DOK6: variants seen among roughly 807,000 people sequenced by gnomAD.
DOK6 encodes the protein docking protein 6.
A neutral mutation model predicts 44.0 loss-of-function variants in DOK6; 22 were observed. The observed-to-expected ratio is 0.50, with a 90% CI of 0.36 to 0.71. DOK6 has a LOEUF of 0.71. DOK6 is among the 30% of genes least tolerant of loss of function. The pLI, the probability that DOK6 is intolerant of heterozygous loss-of-function variation, is 0.00. For synonymous variants in DOK6, 166 were observed against 145.5 expected (o/e 1.14, Z -1.01); for missense variants, 340 against 416.4 (o/e 0.82, Z 1.60).
At chr18:69,750,654 T>C (rs974368500) in intron 6 of DOK6, among the ~76,000 whole-genome samples, 26 of 152,116 alleles carry the variant, frequency 1.7e-4, no homozygotes, top group Admixed American at 1.7e-3. Flanking sequence ...GTACAACCAT[T>C]GGGGAAAACA....
intron 7 of DOK6, among the ~76,000 whole-genome samples, chr18:69,835,238 G>A (rs1233898175): frequency 6.6e-6 from 1 of 152,106 alleles, no homozygotes; most frequent in Non-Finnish European, 1.5e-5. Flanking sequence ...CGAGGTGGGT[G>A]GATCACGAGG....
chr18:69,442,397 G>A (rs1979160779), intron 1 of DOK6, among the ~76,000 whole-genome samples: 1 of 152,098 alleles, frequency 6.6e-6, no homozygotes, highest in Non-Finnish European at 1.5e-5. Context: ...CATGGTGGAA[G>A]GGGAAGCAAA....
chr18:69,563,920 T>C (rs1000758145), intron 1 of DOK6, among the ~76,000 whole-genome samples: 12 of 152,322 alleles, frequency 7.9e-5, no homozygotes, highest in African/African-American at 2.6e-4. Flanking sequence ...ATTAAATATG[T>C]ATATAAATTT....
intron 6 of DOK6, among the ~76,000 whole-genome samples, chr18:69,753,895 C>T (rs1210775873): frequency 6.6e-6 from 1 of 151,914 alleles, no homozygotes; most frequent in Non-Finnish European, 1.5e-5. Flanking sequence ...GAAAGAACTT[C>T]AAACACATGT....
At chr18:69,805,472 A>T (rs1013345356) in intron 7 of DOK6, among the ~76,000 whole-genome samples, 4 of 152,170 alleles carry the variant, frequency 2.6e-5, no homozygotes, top group Non-Finnish European at 5.9e-5. Flanking sequence ...TTTAAAATAC[A>T]TATTTCTGTA....
At chr18:69,603,347 G>A (rs753683332) in intron 3 of DOK6, among the ~76,000 whole-genome samples, 21 of 152,028 alleles carry the variant, frequency 1.4e-4, no homozygotes, top group Admixed American at 2.6e-4. Context: ...CAATTCAGCC[G>A]GCCTACCTTA....
chr18:69,459,814 A>T (rs931227397), intron 1 of DOK6, among the ~76,000 whole-genome samples: 3 of 151,616 alleles, frequency 2.0e-5, no homozygotes, highest in African/African-American at 4.8e-5. Context: ...TGCAGAGTTT[A>T]AAAAAAATAC....
chr18:69,824,221 G>A (rs1244818808), intron 7 of DOK6, among the ~76,000 whole-genome samples: 2 of 91,046 alleles, frequency 2.2e-5, no homozygotes, highest in East Asian at 7.9e-4. Context: ...ACAGGCCCCG[G>A]TGTGTGATGT....
intron 2 of DOK6, 96 bp from the exon 3 acceptor site, chr18:69,599,288 T>C (rs1409837344): frequency 1.1e-6 from 1 of 888,966 alleles, no homozygotes; most frequent in Non-Finnish European, 1.7e-6. Context: ...CCCGTGGAAA[T>C]TCATGTAAGA....
intron 3 of DOK6, among the ~76,000 whole-genome samples, chr18:69,631,389 A>G (rs898747796): frequency 1.6e-5 from 2 of 126,058 alleles, no homozygotes; most frequent in African/African-American, 5.3e-5. Flanking sequence ...TTGAAATACC[A>G]TCAGATAACG....
At chr18:69,744,105 G>A (rs1978896036) in intron 6 of DOK6, among the ~76,000 whole-genome samples, 2 of 152,118 alleles carry the variant, frequency 1.3e-5, no homozygotes, top group Non-Finnish European at 2.9e-5. Context: ...GAGGTCAGGA[G>A]TTCAAGACCA....
intron 7 of DOK6, among the ~76,000 whole-genome samples, chr18:69,833,394 A>G (rs1477810406): frequency 1.3e-5 from 2 of 152,144 alleles, no homozygotes; most frequent in Non-Finnish European, 2.9e-5. Context: ...CTTTCACCAC[A>G]TATAAAAATA....
intron 1 of DOK6, among the ~76,000 whole-genome samples, chr18:69,496,811 C>T (rs976882765): frequency 4.5e-4 from 68 of 152,134 alleles, no homozygotes; most frequent in Admixed American, 3.9e-3. Context: ...AATCTTAAAA[C>T]ATGAATTATA....
At position 69,768,954 on chromosome 18, in the gene DOK6, C is replaced by CGTGTGTGTGTGTGTGTGTGTGTGTGTGT. The variant is rs61202412; in HGVS notation, c.856+11082_856+11109dup. Among the ~76,000 whole-genome samples the CGTGTGTGTGTGTGTGTGTGTGTGTGTGT allele has an allele frequency of 5.5e-4, 78 of 142,694 alleles. 4 individuals are homozygous for CGTGTGTGTGTGTGTGTGTGTGTGTGTGT. The highest frequency in any genetic ancestry group is 7.1e-3 in the Middle Eastern group (2 of 280). 93.6% of individuals were successfully genotyped at this position (142,694 alleles called of 152,430 possible). A position where few individuals can be genotyped will look rare whatever the true frequency, so the allele number is the denominator to read the frequency against. On this transcript the variant is annotated intron_variant, in intron 7 of 7. Coordinates refer to ENST00000382713, the MANE Select transcript of DOK6 (RefSeq NM_152721.6). ...TTTATGCTAAGATTTGAAGGGTGTG[C>CGTGTGTGTGTGTGTGTGTGTGTGTGTGT]GTGTGTGTGTGTGTGTGTGTGTGTG... is the stretch of plus-strand genomic sequence containing the variant.
At chr18:69,690,616 T>C (rs776126272) in intron 4 of DOK6, among the ~76,000 whole-genome samples, 2 of 152,214 alleles carry the variant, frequency 1.3e-5, no homozygotes, top group Non-Finnish European at 2.9e-5. Flanking sequence ...TCTGGCTCTA[T>C]TTAGTTCCTT....
At position 69,809,951 on chromosome 18, in the gene DOK6, A is replaced by G. The variant is rs181734137; in HGVS notation, c.857-31293A>G. ...TCAATGCCATATCTATCAAAATTCC[A>G]ATGACATTTTTTATAAAATTGAAAA... On this transcript the variant is annotated intron_variant, in intron 7 of 7. Transcript: ENST00000382713. 7.0e-4 allele frequency among the ~76,000 whole-genome samples: 107 copies of G among 152,062 alleles called. 1 individual carries two copies. The highest frequency in any genetic ancestry group is 2.3e-3 in the African/African-American group (97 of 41,544).
intron 3 of DOK6, among the ~76,000 whole-genome samples, chr18:69,622,912 G>A (rs537245757): frequency 9.0e-4 from 137 of 152,238 alleles, no homozygotes; most frequent in Middle Eastern, 3.4e-3. Flanking sequence ...TGAATCACAC[G>A]GAAGTGAAAT....
chr18:69,486,823 T>C (rs1980589964), intron 1 of DOK6, among the ~76,000 whole-genome samples: 1 of 152,210 alleles, frequency 6.6e-6, no homozygotes, highest in Non-Finnish European at 1.5e-5. Context: ...AAATTTACTT[T>C]AAAAATAGCA....
intron 1 of DOK6, among the ~76,000 whole-genome samples, chr18:69,531,185 A>G (rs1180083579): frequency 6.7e-6 from 1 of 149,828 alleles, no homozygotes; most frequent in African/African-American, 2.4e-5. Flanking sequence ...AATACAGCAC[A>G]CTGATGGGTC....
Sources: gnomAD v4.1 joint callset for allele counts (sites outside exome capture counted in the v4.1 genomes callset) on GRCh38, gnomAD v4.1.1 for gene constraint, MANE v1.5 for transcripts, NCBI Gene and HGNC (gene_info 2026-07-23, HGNC 2026-07-21) for gene names.